Variants in PLCL1 observed in about 807,000 individuals in gnomAD.
PLCL1 encodes phospholipase C like 1 (inactive).
PLCL1 carries 41 observed loss-of-function variants against 84.4 expected under a neutral mutation model. The ratio of observed to expected loss-of-function variants is 0.49; its 90% CI spans 0.38 to 0.63. The LOEUF (loss-of-function observed/expected upper bound fraction) is 0.63, where lower values mean the gene tolerates loss of function less well. Among genes scored for constraint, PLCL1 ranks in the 30% least tolerant of loss-of-function variants. The pLI is 0.00. For missense variants in PLCL1, 1,206 were observed against 1,367.8 expected (o/e 0.88, Z 1.87); for synonymous variants, 490 against 488.3 (o/e 1.00, Z -0.05).
At chr2:197,871,416 T>C (rs1430092997) in intron 1 of PLCL1, among the ~76,000 whole-genome samples, 1 of 152,124 alleles carries the variant, frequency 6.6e-6, no homozygotes, top group Non-Finnish European at 1.5e-5. Flanking sequence ...TTGAAACGCC[T>C]GAGGTTCTTG....
intron 5 of PLCL1, among the ~76,000 whole-genome samples, chr2:198,145,559 A>G (rs1385033493): frequency 1.3e-5 from 2 of 152,212 alleles, no homozygotes; most frequent in Non-Finnish European, 2.9e-5. Context: ...AAAATCCCAT[A>G]CCATAATTGA....
At chr2:197,878,682 A>G (rs1447640987) in intron 1 of PLCL1, among the ~76,000 whole-genome samples, 1 of 152,126 alleles carries the variant, frequency 6.6e-6, no homozygotes, top group African/African-American at 2.4e-5. Context: ...AACAAAGTAT[A>G]ATAGAAAAGT....
rs771188954 is a variant in PLCL1, at chr2:198,085,562, C to G, written c.2045C>G (p.Thr682Arg). The G allele has an allele frequency of 2.5e-6, 4 of 1,614,050 alleles. No homozygotes were observed. Among genetic ancestry groups the G allele is most frequent in the South Asian group, 1.1e-5 (1 of 91,086 alleles). Residue 682 changes from threonine (T) to arginine (R), a missense_variant, in exon 2 of 6, where the codon ACG (threonine) becomes AGG (arginine). Transcript: ENST00000428675. This position sits in a 1 kb window ranked among gnomAD's most constrained non-coding sequence, Gnocchi z 5.3. Reference protein sequence around the residue: ...QTPGPMMDLHTGWFLQNGGCG... With the variant: ...QTPGPMMDLHRGWFLQNGGCG... ...CCGGGTCCAATGATGGACCTTCACA[C>G]GGGCTGGTTTCTTCAAAACGGGGGA...
chr2:197,826,942 A>G (rs1175755523), intron 1 of PLCL1, among the ~76,000 whole-genome samples: 1 of 152,004 alleles, frequency 6.6e-6, no homozygotes, highest in Non-Finnish European at 1.5e-5. Context: ...AGCAATCTGG[A>G]TGTCATCTTT....
At chr2:197,871,306 A>G (rs1027065822) in intron 1 of PLCL1, among the ~76,000 whole-genome samples, 8 of 151,902 alleles carry the variant, frequency 5.3e-5, no homozygotes, top group African/African-American at 1.7e-4. Context: ...CTGGCTTTAG[A>G]TTTTTTGGGG....
chr2:197,906,764 A>C (rs1424355103), intron 1 of PLCL1, among the ~76,000 whole-genome samples: 1 of 152,154 alleles, frequency 6.6e-6, no homozygotes, highest in Admixed American at 6.5e-5. Context: ...GTTCTTCTTG[A>C]AGAGGTCCTT....
intron 5 of PLCL1, among the ~76,000 whole-genome samples, chr2:198,135,201 C>T (rs538685267): frequency 7.0e-4 from 107 of 152,084 alleles, no homozygotes; most frequent in African/African-American, 2.4e-3. Context: ...ACACTCATGG[C>T]GGTAGTATGA....
At chr2:198,006,042 G>A (rs1690721456) in intron 1 of PLCL1, among the ~76,000 whole-genome samples, 1 of 152,172 alleles carries the variant, frequency 6.6e-6, no homozygotes, top group South Asian at 2.1e-4. Context: ...ATTCAGAGAT[G>A]ATTCCTAGGT....
intron 1 of PLCL1, among the ~76,000 whole-genome samples, chr2:197,923,486 C>T (rs1168961851): frequency 6.3e-5 from 9 of 142,718 alleles, no homozygotes; most frequent in African/African-American, 7.9e-5. Context: ...GACGGGGTCT[C>T]GGCCGGGCAG....
At chr2:198,105,380 T>G (rs1029351322) in intron 5 of PLCL1, among the ~76,000 whole-genome samples, 1 of 152,072 alleles carries the variant, frequency 6.6e-6, no homozygotes, top group Admixed American at 6.6e-5. Context: ...TCTATATGTC[T>G]GTTTTTGTAC....
intron 1 of PLCL1, among the ~76,000 whole-genome samples, chr2:198,059,338 T>A (rs1559089291): frequency 1.3e-5 from 2 of 152,194 alleles, no homozygotes; most frequent in African/African-American, 4.8e-5. Flanking sequence ...ATGTATCTCA[T>A]TATTAAAAAA....
intron 1 of PLCL1, among the ~76,000 whole-genome samples, chr2:198,069,251 G>C (rs1692407445): frequency 6.6e-6 from 1 of 151,840 alleles, no homozygotes; most frequent in African/African-American, 2.4e-5. Flanking sequence ...AGCACTTTGG[G>C]AGACTGAGGC....
intron 1 of PLCL1, among the ~76,000 whole-genome samples, chr2:197,867,972 A>G (rs938852650): frequency 1.8e-4 from 27 of 152,334 alleles, no homozygotes; most frequent in Admixed American, 9.8e-4. Context: ...GTATGAGTAT[A>G]CTGTATACTT....
At chr2:197,829,328 T>C (rs1270143064) in intron 1 of PLCL1, among the ~76,000 whole-genome samples, 1 of 152,174 alleles carries the variant, frequency 6.6e-6, no homozygotes, top group Non-Finnish European at 1.5e-5. Flanking sequence ...TATTTGAAGC[T>C]AGTACGTGAA....
At chr2:198,141,477 CAAAA>C (rs60334474) in intron 5 of PLCL1, among the ~76,000 whole-genome samples, 2 of 79,164 alleles carry the variant, frequency 2.5e-5, no homozygotes, top group Non-Finnish European at 2.9e-5. Context: ...AGTGTAACAT[CAAAA>C]AAAAAAAAAA....
At chr2:198,019,304 C>G (rs11683222) in intron 1 of PLCL1, among the ~76,000 whole-genome samples, 73,378 of 152,006 alleles carry the variant, frequency 0.48, 18,087 homozygotes, top group Middle Eastern at 0.63. Context: ...GGTGAAAATT[C>G]CAAAAATCAG....
intron 1 of PLCL1, among the ~76,000 whole-genome samples, chr2:197,876,174 T>C (rs939337220): frequency 6.6e-6 from 1 of 152,172 alleles, no homozygotes; most frequent in African/African-American, 2.4e-5. Context: ...TTTCTGAGCA[T>C]TGGGTATTGT....
At chr2:197,897,106 T>C (rs138336867) in intron 1 of PLCL1, among the ~76,000 whole-genome samples, 1,013 of 38,744 alleles carry the variant, frequency 0.026, 15 homozygotes, top group African/African-American at 0.12. Context: ...CTCCTTCTTC[T>C]TCTTCTTCTT....
At chr2:197,964,717 G>A (rs1489257250) in intron 1 of PLCL1, among the ~76,000 whole-genome samples, 1 of 151,966 alleles carries the variant, frequency 6.6e-6, no homozygotes, top group East Asian at 1.9e-4. Flanking sequence ...TACTAACTGT[G>A]GGTTTGTCTT....
Sources: gnomAD v4.1 joint callset for allele counts (sites outside exome capture counted in the v4.1 genomes callset) on GRCh38, gnomAD v4.1.1 for gene constraint, Gnocchi (gnomAD v3.1) non-coding constraint, MANE v1.5 for transcripts, NCBI Gene and HGNC (gene_info 2026-07-23, HGNC 2026-07-21) for gene names.